Variants in LRP1B observed in about 807,000 individuals in gnomAD.
LRP1B encodes LDL receptor related protein 1B.
In LRP1B, 217 loss-of-function variants were observed where a neutral mutation model predicts 556.6. The ratio of observed to expected loss-of-function variants is 0.39; its 90% CI spans 0.35 to 0.44. The LOEUF (loss-of-function observed/expected upper bound fraction) is 0.44. Ranked by LOEUF, LRP1B falls within the 20% of genes least tolerant of loss-of-function variation. The probability of loss-of-function intolerance (pLI) is 1.00; values close to 1 mark genes in which losing one functional copy is unlikely to be tolerated. For missense variants in LRP1B, 5,053 were observed against 5,620.8 expected (o/e 0.90, Z 3.23); for synonymous variants, 2,047 against 1,865.8 (o/e 1.10, Z -2.50).
intron 41 of LRP1B, among the ~76,000 whole-genome samples, chr2:140,630,185 G>A (rs932449704): frequency 6.6e-6 from 1 of 152,152 alleles, no homozygotes; most frequent in African/African-American, 2.4e-5. Flanking sequence ...TAGAACCTTT[G>A]GAGATGGTGC....
At chr2:140,382,349 A>G (rs941314716) in intron 67 of LRP1B, among the ~76,000 whole-genome samples, 2 of 152,158 alleles carry the variant, frequency 1.3e-5, no homozygotes, top group Admixed American at 6.5e-5. Context: ...TTAATAATGT[A>G]AGGCTATAAA....
At chr2:141,676,401 C>T (rs1690883222) in intron 2 of LRP1B, among the ~76,000 whole-genome samples, 1 of 152,136 alleles carries the variant, frequency 6.6e-6, no homozygotes, top group Non-Finnish European at 1.5e-5. Flanking sequence ...AACCCTTGTC[C>T]TCTTTTATAG....
chr2:141,738,280 C>T (rs536480531), intron 2 of LRP1B, among the ~76,000 whole-genome samples: 3 of 152,262 alleles, frequency 2.0e-5, no homozygotes, highest in South Asian at 4.1e-4. Context: ...ATCTCCTTCT[C>T]TCCCAATAGA....
At chr2:141,416,467 T>C (rs1691107361) in intron 3 of LRP1B, among the ~76,000 whole-genome samples, 2 of 149,304 alleles carry the variant, frequency 1.3e-5, no homozygotes, top group African/African-American at 2.5e-5. Flanking sequence ...TTTTTTTTTT[T>C]TTGAGACAGG....
intron 2 of LRP1B, among the ~76,000 whole-genome samples, chr2:141,685,572 A>G (rs1041007515): frequency 1.7e-4 from 26 of 152,022 alleles, no homozygotes; most frequent in African/African-American, 6.3e-4. Context: ...GATTAAGTTA[A>G]AGATTTTATT....
intron 3 of LRP1B, among the ~76,000 whole-genome samples, chr2:141,379,444 C>T (rs1220544885): frequency 6.6e-6 from 1 of 152,078 alleles, no homozygotes; most frequent in African/African-American, 2.4e-5. Flanking sequence ...ATGAATGCAC[C>T]AAATACAGAG....
chr2:142,120,037 C>A (rs1030527081), intron 1 of LRP1B, among the ~76,000 whole-genome samples: 10 of 149,660 alleles, frequency 6.7e-5, no homozygotes, highest in African/African-American at 2.5e-4. Flanking sequence ...CAGGTAATAA[C>A]CGTATATCAT....
At chr2:141,865,586 C>T (rs1283044589) in intron 1 of LRP1B, among the ~76,000 whole-genome samples, 3 of 109,568 alleles carry the variant, frequency 2.7e-5, no homozygotes, top group East Asian at 2.5e-4. Context: ...AGCGAGACTC[C>T]GTCTCAAAAA....
chr2:141,471,748 T>A (rs1033969049), intron 3 of LRP1B, among the ~76,000 whole-genome samples: 9 of 152,224 alleles, frequency 5.9e-5, no homozygotes, highest in African/African-American at 2.2e-4. Flanking sequence ...ATATCTGGAA[T>A]ATTGTCACTG....
intron 43 of LRP1B, among the ~76,000 whole-genome samples, chr2:140,582,861 T>C (rs1484478218): frequency 6.6e-6 from 1 of 152,196 alleles, no homozygotes; most frequent in African/African-American, 2.4e-5. Context: ...CCTTTAATTT[T>C]CCAACCATTC....
intron 2 of LRP1B, among the ~76,000 whole-genome samples, chr2:141,612,439 A>ATG (rs1559176308): frequency 1.3e-5 from 2 of 152,260 alleles, no homozygotes; most frequent in East Asian, 3.9e-4. Flanking sequence ...ATTAAACTAC[A>ATG]TAGGGTAGAG....
intron 35 of LRP1B, among the ~76,000 whole-genome samples, chr2:140,759,542 T>C (rs1351414471): frequency 2.0e-5 from 3 of 152,216 alleles, no homozygotes; most frequent in East Asian, 1.9e-4. Context: ...CACTGACACA[T>C]TGAGTTAGCC....
At chr2:141,690,140 T>C (rs938286352) in intron 2 of LRP1B, among the ~76,000 whole-genome samples, 3 of 151,556 alleles carry the variant, frequency 2.0e-5, no homozygotes, top group African/African-American at 7.2e-5. Context: ...TTTCAATACA[T>C]AGCTTGAAGG....
At chr2:142,118,972 A>T (rs1242627907) in intron 1 of LRP1B, among the ~76,000 whole-genome samples, 2 of 152,184 alleles carry the variant, frequency 1.3e-5, no homozygotes, top group Non-Finnish European at 2.9e-5. Flanking sequence ...AGAGGGTTTG[A>T]CAACATGAAT....
At chr2:140,478,150 T>C (rs796860837) in intron 59 of LRP1B, among the ~76,000 whole-genome samples, 42 of 145,252 alleles carry the variant, frequency 2.9e-4, no homozygotes, top group African/African-American at 1.0e-3. Context: ...TTAACTTTTT[T>C]TTTTTTTTTT....
In LRP1B at chr2:140,924,350, A is replaced by G. The variant is rs60771567; in HGVS notation, c.3137-1203T>C. Among the ~76,000 whole-genome samples the G allele has an allele frequency of 5.4e-3, 822 of 152,146 alleles. 8 individuals carry two copies. Among genetic ancestry groups the G allele is most frequent in the African/African-American group, 0.018 (750 of 41,566 alleles). The stretch of plus-strand genomic sequence containing the variant: ...GAATTAAATTAGATATCTATAAAGG[A>G]TTAATTCAACTACAAAGTTTTGTTG... On this transcript the variant is annotated intron_variant, in intron 20 of 90. Coordinates refer to ENST00000389484, the MANE Select transcript of LRP1B (RefSeq NM_018557.3).
At chr2:141,235,989 A>T (rs1683635288) in intron 5 of LRP1B, among the ~76,000 whole-genome samples, 1 of 152,150 alleles carries the variant, frequency 6.6e-6, no homozygotes, top group South Asian at 2.1e-4. Flanking sequence ...TTAATTTTAG[A>T]AATACAGTAT....
At chr2:141,331,464 G>A (rs1687641621) in intron 3 of LRP1B, among the ~76,000 whole-genome samples, 1 of 142,472 alleles carries the variant, frequency 7.0e-6, no homozygotes, top group South Asian at 2.1e-4. Flanking sequence ...CATGAGCTCA[G>A]GAAACTCTTA....
At chr2:140,450,973 G>A (rs904905576) in intron 62 of LRP1B, among the ~76,000 whole-genome samples, 5 of 152,142 alleles carry the variant, frequency 3.3e-5, no homozygotes, top group African/African-American at 9.7e-5. Flanking sequence ...ATAGGGTCTC[G>A]CTCTGTCGCC....
Sources: allele counts gnomAD v4.1 joint callset (sites outside exome capture counted in the v4.1 genomes callset), GRCh38; gene constraint gnomAD v4.1.1; transcripts MANE v1.5; gene names NCBI Gene and HGNC (gene_info 2026-07-23, HGNC 2026-07-21).